The following VWA8 variants were observed in gnomAD, a reference collection of about 807,000 sequenced individuals.
The protein encoded by VWA8 is von Willebrand factor A domain containing 8.
VWA8 carries 221 observed loss-of-function variants against 241.5 expected under a neutral mutation model. That is an observed-to-expected ratio of 0.91 (90% CI 0.82 to 1.02). The LOEUF (loss-of-function observed/expected upper bound fraction) is 1.02, where lower values mean the gene tolerates loss of function less well. Ranked by LOEUF, VWA8 falls within the 50% of genes least tolerant of loss-of-function variation. The pLI, the probability that VWA8 is intolerant of heterozygous loss-of-function variation, is 0.00. For synonymous variants in VWA8, 852 were observed against 827.1 expected (o/e 1.03, Z -0.52); for missense variants, 2,322 against 2,328.7 (o/e 1.00, Z 0.06).
intron 8 of VWA8, among the ~76,000 whole-genome samples, chr13:41,885,278 A>G (rs1874467056): frequency 6.6e-6 from 1 of 152,146 alleles, no homozygotes; most frequent in Non-Finnish European, 1.5e-5. Flanking sequence ...GATTAAACAC[A>G]TTTGCCTGTG....
At chr13:41,705,315 A>T (rs2045276144) in intron 26 of VWA8, among the ~76,000 whole-genome samples, 1 of 152,018 alleles carries the variant, frequency 6.6e-6, no homozygotes, top group Non-Finnish European at 1.5e-5. Context: ...AGGGTACTGA[A>T]TTAGGGGAAT....
chr13:41,594,125 T>G (rs1016946408), intron 40 of VWA8, among the ~76,000 whole-genome samples: 93 of 61,144 alleles, frequency 1.5e-3, no homozygotes, highest in Non-Finnish European at 3.2e-3. Flanking sequence ...GTAATTTTTG[T>G]TTTTTTTTTT....
At chr13:41,696,995 A>C (rs2045219294) in intron 29 of VWA8, among the ~76,000 whole-genome samples, 1 of 152,152 alleles carries the variant, frequency 6.6e-6, no homozygotes, top group South Asian at 2.1e-4. Flanking sequence ...TCCTGGTAGG[A>C]GCTCTCCATT....
intron 32 of VWA8, among the ~76,000 whole-genome samples, 153 bp from the exon 33 acceptor site, chr13:41,690,428 A>T (rs1393517392): frequency 6.6e-6 from 1 of 152,134 alleles, no homozygotes; most frequent in Non-Finnish European, 1.5e-5. Flanking sequence ...TTAACAAATA[A>T]CTTCTCAACA....
chr13:41,840,975 T>C (rs1236684726), intron 12 of VWA8, among the ~76,000 whole-genome samples: 1 of 152,192 alleles, frequency 6.6e-6, no homozygotes, highest in African/African-American at 2.4e-5. Flanking sequence ...ACTTTGCATA[T>C]GTTAACTCAT....
At chr13:41,801,995 T>C (rs911419288) in intron 17 of VWA8, among the ~76,000 whole-genome samples, 5 of 152,106 alleles carry the variant, frequency 3.3e-5, no homozygotes, top group African/African-American at 1.2e-4. Context: ...GTAATTGTCC[T>C]CCCCTCCACA....
intron 9 of VWA8, among the ~76,000 whole-genome samples, chr13:41,871,816 T>C (rs1490888245): frequency 1.3e-5 from 2 of 152,238 alleles, no homozygotes; most frequent in African/African-American, 4.8e-5. Flanking sequence ...TTTGGGTATA[T>C]ACCCAGTAAT....
At position 41,897,697 on chromosome 13, in the gene VWA8, T is replaced by G. The variant is rs146061458; in HGVS notation, c.484-6110A>C. ...TTTGTTCCTCCCGGTGGGCTCGTGG[T>G]CTCGCTGGCTTCAGGAGTGAAGCTG... On this transcript the variant is annotated intron_variant, in intron 4 of 44. Transcript: ENST00000379310. Among the ~76,000 whole-genome samples the G allele has an allele frequency of 7.7e-3, 1,177 of 152,210 alleles. 5 individuals are homozygous for G. The highest frequency in any genetic ancestry group is 0.012 in the Non-Finnish European group (847 of 68,012).
intron 43 of VWA8, among the ~76,000 whole-genome samples, chr13:41,572,097 A>G (rs998595122): frequency 9.3e-5 from 14 of 150,214 alleles, no homozygotes; most frequent in Non-Finnish European, 1.9e-4. Flanking sequence ...AGCAGTGAGG[A>G]GCCCCTCCGC....
intron 42 of VWA8, among the ~76,000 whole-genome samples, chr13:41,578,230 G>A (rs1213388160): frequency 2.0e-5 from 3 of 151,652 alleles, no homozygotes; most frequent in Non-Finnish European, 4.4e-5. Context: ...CTTTGTCTGT[G>A]CCTGGTGAGT....
At chr13:41,856,071 C>G (rs115821710) in intron 12 of VWA8, among the ~76,000 whole-genome samples, 54 of 152,252 alleles carry the variant, frequency 3.5e-4, no homozygotes, top group African/African-American at 1.3e-3. Flanking sequence ...CATAGTGGCT[C>G]AAGCCTATAG....
At chr13:41,572,436 T>C (rs1265645172) in intron 43 of VWA8, among the ~76,000 whole-genome samples, 1 of 152,180 alleles carries the variant, frequency 6.6e-6, no homozygotes, top group East Asian at 1.9e-4. Context: ...AGACTCCATT[T>C]TGTTCTGTAT....
At chr13:41,909,766 A>G (rs1875906711) in intron 3 of VWA8, among the ~76,000 whole-genome samples, 1 of 152,270 alleles carries the variant, frequency 6.6e-6, no homozygotes, top group Admixed American at 6.5e-5. Flanking sequence ...CGAAAGAGGC[A>G]TGAGTACATT....
intron 17 of VWA8, among the ~76,000 whole-genome samples, chr13:41,799,097 T>C (rs190131015): frequency 6.6e-6 from 1 of 152,266 alleles, no homozygotes; most frequent in African/African-American, 2.4e-5. Context: ...ACATACTTAT[T>C]TGATAGTCTC....
Position 41,778,055 on chromosome 13 carries a change from T to G in VWA8, c.2279A>C (p.His760Pro), listed in dbSNP as rs138051115. ...CAGCATATCTTCCATCACTATCACA[T>G]GCTAGAGAAAAAGGAACTAGGGGTT... ...PDVLFYDNIQHVIVMEDMLKD... is the reference protein window; with the variant it reads ...PDVLFYDNIQPVIVMEDMLKD... Residue 760 changes from histidine (H) to proline (P), a missense_variant and splice_region_variant, in exon 20 of 45, where the codon CAT (histidine) becomes CCT (proline). Physicochemically the swap from His to Pro is moderately conservative, Grantham distance 77. Coordinates refer to ENST00000379310, the MANE Select transcript of VWA8 (RefSeq NM_015058.2). The G allele has an allele frequency of 6.2e-7, 1 of 1,609,294 alleles. No homozygotes were observed. The highest frequency in any genetic ancestry group is 8.5e-7 in the Non-Finnish European group (1 of 1,178,358).
intron 37 of VWA8, among the ~76,000 whole-genome samples, chr13:41,656,293 C>T (rs2044904912): frequency 6.6e-6 from 1 of 152,192 alleles, no homozygotes. Context: ...TACGAGGGTT[C>T]TACAGATGTT....
intron 24 of VWA8, among the ~76,000 whole-genome samples, chr13:41,725,686 T>C (rs9590632): frequency 0.27 from 41,625 of 151,944 alleles, 6,254 homozygotes; most frequent in Non-Finnish European, 0.33. Flanking sequence ...GGATGGAAGA[T>C]GGAGACAGAA....
chr13:41,603,381 C>T lies in VWA8; in HGVS notation c.4986+1787G>A, dbSNP rs141218072. On this transcript the variant is annotated intron_variant, in intron 40 of 44. Coordinates refer to ENST00000379310, the MANE Select transcript of VWA8 (RefSeq NM_015058.2). ...GTGGACCTGACTTTTCATCTTTTGG[C>T]TGATTGTATAAACATGATACCATTT... 7.2e-5 allele frequency among the ~76,000 whole-genome samples: 11 copies of T among 152,210 alleles called. No individual in the cohort carries two copies. The East Asian group carries it at 1.9e-3, about 27-fold the overall frequency.
rs1299553778 is a variant in VWA8 at position 41,685,304 on chromosome 13, A to C, written c.4132-62T>G. 2.0e-6 allele frequency: 3 copies of C among 1,468,446 alleles called. No individual in the cohort carries two copies. The African/African-American group carries it at 4.3e-5, about 21-fold the overall frequency. The allele number at this position is 1,468,446 out of a possible 1,614,324, so 91.0% of individuals were successfully genotyped here. A position where few individuals can be genotyped will look rare whatever the true frequency, so the allele number is the denominator to read the frequency against. ...ATATACTACATTCACCACAACCTTA[A>C]CAACGCAGCCCTTTAAGCAGATACT... On this transcript the variant is annotated intron_variant, in intron 34 of 44. Coordinates refer to ENST00000379310, the MANE Select transcript of VWA8 (RefSeq NM_015058.2).
Sources: allele counts gnomAD v4.1 joint callset (sites outside exome capture counted in the v4.1 genomes callset), GRCh38; gene constraint gnomAD v4.1.1; transcripts MANE v1.5; gene names NCBI Gene and HGNC (gene_info 2026-07-23, HGNC 2026-07-21).